Variants in ERC1 observed in about 807,000 individuals in gnomAD.
ERC1 encodes ELKS/RAB6-interacting/CAST family member 1, also known as RAB6 interacting protein 2.
A neutral mutation model predicts 132.0 loss-of-function variants in ERC1; 56 were observed. That is an observed-to-expected ratio of 0.42 (90% CI 0.34 to 0.53). The LOEUF is 0.53. Ranked by LOEUF, ERC1 falls within the 20% of genes least tolerant of loss-of-function variation. The pLI is 0.03. For missense variants in ERC1, 1,202 were observed against 1,349.9 expected, an observed-to-expected ratio of 0.89 and a Z score of 1.72; for synonymous variants, 478 against 476.1, an observed-to-expected ratio of 1.00 and a Z score of -0.05.
chr12:1,132,082 A>G (rs1026360502), intron 7 of ERC1, among the ~76,000 whole-genome samples: 2 of 152,160 alleles, frequency 1.3e-5, no homozygotes, highest in African/African-American at 4.8e-5. Context: ...CTCACGCAAA[A>G]TTATACTACA....
In ERC1 at chr12:1,491,545, G is replaced by T. The variant is rs1476996826; in HGVS notation, c.*1315G>T. 3 of 229,880 alleles carry T rather than the reference G, an allele frequency of 1.3e-5. No individual in the cohort carries two copies. Among genetic ancestry groups the T allele is most frequent in the South Asian group, 1.8e-4 (1 of 5,490 alleles). The allele number at this position is 229,880 out of a possible 1,614,324, so 14.2% of individuals were successfully genotyped here. A position where few individuals can be genotyped will look rare whatever the true frequency, so the allele number is the denominator to read the frequency against. On this transcript the variant is annotated 3_prime_UTR_variant, in exon 19 of 19. Transcript: ENST00000360905. ...TAAATAGCATGTCCTTCCCCTCCCCGATCTTAAGGTGTGTTTTCTAGAAAA... is the reference window on the plus strand; with the variant it reads ...TAAATAGCATGTCCTTCCCCTCCCCTATCTTAAGGTGTGTTTTCTAGAAAA...
intron 2 of ERC1, among the ~76,000 whole-genome samples, chr12:1,040,324 C>CTTTTTTTT (rs956609769): frequency 6.5e-5 from 9 of 138,058 alleles, no homozygotes; most frequent in African/African-American, 7.9e-5. Flanking sequence ...TTTCTTTTTT[C>CTTTTTTTT]TTTTTTTTTT....
intron 7 of ERC1, among the ~76,000 whole-genome samples, chr12:1,131,126 A>T (rs1948723515): frequency 6.6e-6 from 1 of 152,238 alleles, no homozygotes; most frequent in Non-Finnish European, 1.5e-5. Context: ...GGTTTAAATA[A>T]AAGTTATTAG....
intron 16 of ERC1, among the ~76,000 whole-genome samples, chr12:1,400,049 T>C (rs1212041920): frequency 6.8e-6 from 1 of 146,166 alleles, no homozygotes; most frequent in East Asian, 1.9e-4. Context: ...ACACTTGTTA[T>C]TGACTTTTAA....
intron 12 of ERC1, among the ~76,000 whole-genome samples, chr12:1,213,011 C>T (rs1416637616): frequency 6.6e-6 from 1 of 152,176 alleles, no homozygotes; most frequent in African/African-American, 2.4e-5. Flanking sequence ...CATCCCAGAG[C>T]CTATTTTCTC....
At chr12:1,228,243 T>C (rs1219296477) in intron 12 of ERC1, among the ~76,000 whole-genome samples, 3 of 152,366 alleles carry the variant, frequency 2.0e-5, no homozygotes, top group African/African-American at 7.2e-5. Flanking sequence ...ATGGACATTT[T>C]AACAACATTA....
chr12:1,041,209 C>T (rs1358708239), intron 2 of ERC1, among the ~76,000 whole-genome samples: 4 of 142,288 alleles, frequency 2.8e-5, no homozygotes, highest in African/African-American at 7.7e-5. Context: ...GTCTCTCTTT[C>T]TTTTTTTTTT....
chr12:997,764 A>G (rs992750240), intron 1 of ERC1, among the ~76,000 whole-genome samples: 3 of 152,192 alleles, frequency 2.0e-5, no homozygotes, highest in African/African-American at 7.2e-5. Context: ...GAAGGAAGGT[A>G]CCAGCCTCAT....
intron 15 of ERC1, among the ~76,000 whole-genome samples, chr12:1,313,514 T>TAA (rs2081463193): frequency 6.6e-6 from 1 of 152,054 alleles, no homozygotes; most frequent in South Asian, 2.1e-4. Context: ...TAGATAGACT[T>TAA]ACAAGGCTAG....
At chr12:1,020,784 A>G (rs750034854) in intron 1 of ERC1, 1 of 152,250 alleles carries the variant, frequency 6.6e-6, no homozygotes, top group Non-Finnish European at 1.5e-5. Flanking sequence ...AGAGTTAGTC[A>G]TGAAAGTACA....
intron 18 of ERC1, among the ~76,000 whole-genome samples, chr12:1,464,379 C>T (rs1241381807): frequency 6.6e-6 from 1 of 152,044 alleles, no homozygotes; most frequent in African/African-American, 2.4e-5. Context: ...CTCTAAACTA[C>T]GGCAGCTCTT....
At chr12:1,207,222 A>G (rs1409641111) in intron 12 of ERC1, among the ~76,000 whole-genome samples, 2 of 152,180 alleles carry the variant, frequency 1.3e-5, no homozygotes, top group Non-Finnish European at 2.9e-5. Context: ...AAGGCACTAT[A>G]CTAGTTGCTA....
intron 14 of ERC1, among the ~76,000 whole-genome samples, chr12:1,271,868 C>T (rs1030930837): frequency 1.3e-5 from 2 of 152,216 alleles, no homozygotes; most frequent in African/African-American, 4.8e-5. Flanking sequence ...TTGCTCATCT[C>T]ATCTGAGAGG....
At chr12:1,193,459 G>A (rs1955928194) in intron 12 of ERC1, among the ~76,000 whole-genome samples, 1 of 151,406 alleles carries the variant, frequency 6.6e-6, no homozygotes, top group African/African-American at 2.4e-5. Context: ...CACACACATA[G>A]AGATAGATAA....
At chr12:1,313,480 A>T (rs1455124786) in intron 15 of ERC1, among the ~76,000 whole-genome samples, 2 of 152,122 alleles carry the variant, frequency 1.3e-5, no homozygotes, top group African/African-American at 4.8e-5. Context: ...ATAACTCCAT[A>T]TATTGCTTTA....
intron 15 of ERC1, among the ~76,000 whole-genome samples, chr12:1,350,556 A>C (rs2084906865): frequency 6.6e-6 from 1 of 152,150 alleles, no homozygotes; most frequent in Non-Finnish European, 1.5e-5. Flanking sequence ...ATGGGCCTTT[A>C]ACTGGGAAAC....
chr12:1,409,023 C>CT (rs1480298090), intron 17 of ERC1, among the ~76,000 whole-genome samples: 3 of 152,024 alleles, frequency 2.0e-5, no homozygotes, highest in African/African-American at 4.8e-5. Flanking sequence ...ATCCATATGA[C>CT]TAAAGCATCA....
chr12:1,126,968 CAG>C (rs1403309274), intron 7 of ERC1, among the ~76,000 whole-genome samples: 1 of 123,154 alleles, frequency 8.1e-6, no homozygotes, highest in African/African-American at 3.5e-5. Context: ...AGCCTGGCGA[CAG>C]AGTGAGATTC....
intron 15 of ERC1, among the ~76,000 whole-genome samples, chr12:1,331,477 A>G (rs894574425): frequency 9.9e-5 from 15 of 152,234 alleles, no homozygotes; most frequent in Non-Finnish European, 7.3e-5. Flanking sequence ...TAGTGGTACC[A>G]TGAGCATTTC....
Sources: gnomAD v4.1 joint callset for allele counts (sites outside exome capture counted in the v4.1 genomes callset) on GRCh38, gnomAD v4.1.1 for gene constraint, MANE v1.5 for transcripts, NCBI Gene and HGNC (gene_info 2026-07-23, HGNC 2026-07-21) for gene names.